Variants in PEAK1 observed in about 807,000 individuals in gnomAD.
PEAK1 encodes inactive tyrosine-protein kinase PEAK1.
Under a neutral mutation model 124.7 loss-of-function variants are expected in PEAK1, and 54 were observed. The observed-to-expected ratio is 0.43, with a 90% CI of 0.35 to 0.54. The LOEUF is 0.54. Ranked by LOEUF, PEAK1 falls within the 20% of genes least tolerant of loss-of-function variation. The pLI, the probability that PEAK1 is intolerant of heterozygous loss-of-function variation, is 0.01. For missense variants in PEAK1, 2,046 were observed against 2,134.5 expected (o/e 0.96, Z 0.82); for synonymous variants, 719 against 760.0 (o/e 0.95, Z 0.89).
chr15:77,386,000 A>G (rs1429060036), intron 1 of PEAK1, among the ~76,000 whole-genome samples: 1 of 152,184 alleles, frequency 6.6e-6, no homozygotes, highest in Non-Finnish European at 1.5e-5. Flanking sequence ...TCGTCTCTTC[A>G]TGAAGATAAA....
intron 1 of PEAK1, chr15:77,418,306 G>A: frequency 6.1e-6 from 6 of 985,226 alleles, no homozygotes; most frequent in Non-Finnish European, 7.2e-6. Context: ...GGGAAAAGAA[G>A]GAACATACAT....
At chr15:77,202,001 CATTT>C (rs2058386017) in intron 6 of PEAK1, among the ~76,000 whole-genome samples, 1 of 152,158 alleles carries the variant, frequency 6.6e-6, no homozygotes, top group Non-Finnish European at 1.5e-5. Flanking sequence ...ACTTGGTATT[CATTT>C]TAGACTCCAA....
intron 5 of PEAK1, among the ~76,000 whole-genome samples, chr15:77,271,366 A>G (rs1206507861): frequency 6.6e-6 from 1 of 152,226 alleles, no homozygotes; most frequent in African/African-American, 2.4e-5. Context: ...TGTGGAAGTC[A>G]GTGTGGCGAT....
At chr15:77,175,740 A>G (rs1183010080) in intron 7 of PEAK1, among the ~76,000 whole-genome samples, 1 of 152,236 alleles carries the variant, frequency 6.6e-6, no homozygotes, top group African/African-American at 2.4e-5. Flanking sequence ...TAACCCAGCC[A>G]TCCCATTACT....
intron 2 of PEAK1, chr15:77,338,136 T>C: frequency 1.0e-6 from 1 of 979,160 alleles, no homozygotes; most frequent in Non-Finnish European, 1.2e-6. Flanking sequence ...AGTGACAGAT[T>C]AGCATGGACA....
intron 2 of PEAK1, among the ~76,000 whole-genome samples, chr15:77,364,734 G>A (rs1016360781): frequency 1.3e-5 from 2 of 152,138 alleles, no homozygotes; most frequent in African/African-American, 4.8e-5. Flanking sequence ...CCCAAACAGG[G>A]AACTACAGAA....
chr15:77,417,009 T>C (rs1446092697), intron 1 of PEAK1, among the ~76,000 whole-genome samples: 1 of 152,172 alleles, frequency 6.6e-6, no homozygotes, highest in Non-Finnish European at 1.5e-5. Flanking sequence ...AAGATGTACT[T>C]TCCCTCTTTC....
intron 6 of PEAK1, among the ~76,000 whole-genome samples, chr15:77,189,342 T>C (rs1004821600): frequency 6.6e-6 from 1 of 152,180 alleles, no homozygotes; most frequent in African/African-American, 2.4e-5. Flanking sequence ...CCAGGATGAA[T>C]GCATGCATGC....
intron 6 of PEAK1, among the ~76,000 whole-genome samples, chr15:77,222,627 T>G (rs1197954278): frequency 2.0e-5 from 3 of 151,916 alleles, no homozygotes; most frequent in Admixed American, 1.3e-4. Flanking sequence ...GTTAATCAAC[T>G]GGTCTTGGTG....
intron 8 of PEAK1, among the ~76,000 whole-genome samples, chr15:77,144,277 G>T (rs1253648970): frequency 6.6e-6 from 1 of 152,128 alleles, no homozygotes; most frequent in African/African-American, 2.4e-5. Flanking sequence ...CTGTTAATAT[G>T]TTCCATATTT....
intron 6 of PEAK1, among the ~76,000 whole-genome samples, chr15:77,221,193 T>C (rs957397037): frequency 5.9e-5 from 9 of 152,166 alleles, no homozygotes; most frequent in Non-Finnish European, 1.3e-4. Flanking sequence ...GTCATTGCAG[T>C]CGTGAATGAG....
intron 2 of PEAK1, among the ~76,000 whole-genome samples, chr15:77,298,051 C>T (rs1351353547): frequency 1.1e-5 from 1 of 89,050 alleles, no homozygotes; most frequent in African/African-American, 4.6e-5. Flanking sequence ...GGCGACAGGG[C>T]GAGACTCCGT....
At chr15:77,220,428 A>C (rs1369264014) in intron 6 of PEAK1, among the ~76,000 whole-genome samples, 1 of 151,010 alleles carries the variant, frequency 6.6e-6, no homozygotes, top group Non-Finnish European at 1.5e-5. Context: ...TGGAGCTGAT[A>C]GGTATATGAG....
chr15:77,396,929 T>C (rs1782268836), intron 1 of PEAK1, among the ~76,000 whole-genome samples: 1 of 152,136 alleles, frequency 6.6e-6, no homozygotes. Flanking sequence ...AAAAGAAACA[T>C]CAAACTTAAT....
At chr15:77,103,595 T>C (rs2050716700), downstream of PEAK1, 1 of 152,210 alleles carries the variant, frequency 6.6e-6, no homozygotes, top group Non-Finnish European at 1.5e-5. Context: ...AACCCTGATT[T>C]ACCATGACAG....
intron 1 of PEAK1, among the ~76,000 whole-genome samples, chr15:77,387,839 T>C (rs745732293): frequency 3.3e-5 from 5 of 152,216 alleles, no homozygotes; most frequent in Non-Finnish European, 7.3e-5. Context: ...CTTGGTTAGA[T>C]ATAAAGATGA....
chr15:77,396,876 C>T (rs2070933026), intron 1 of PEAK1, among the ~76,000 whole-genome samples: 2 of 152,156 alleles, frequency 1.3e-5, no homozygotes, highest in Admixed American at 1.3e-4. Flanking sequence ...TAGTTGGAAA[C>T]TTCAGCATCC....
chr15:77,166,451 A>G (rs1239013658), intron 7 of PEAK1, among the ~76,000 whole-genome samples: 1 of 152,168 alleles, frequency 6.6e-6, no homozygotes, highest in Admixed American at 6.5e-5. Flanking sequence ...GGCTATCCAC[A>G]TGGCAGGATT....
At chr15:77,184,981 C>T (rs1358382307) in intron 6 of PEAK1, among the ~76,000 whole-genome samples, 4 of 152,112 alleles carry the variant, frequency 2.6e-5, no homozygotes, top group Non-Finnish European at 4.4e-5. Context: ...AGCTCTGCTG[C>T]TATGTAGAAA....
Sources: gnomAD v4.1 joint callset for allele counts (sites outside exome capture counted in the v4.1 genomes callset) on GRCh38, gnomAD v4.1.1 for gene constraint, MANE v1.5 for transcripts, NCBI Gene and HGNC (gene_info 2026-07-23, HGNC 2026-07-21) for gene names.